The following HELZ variants were observed in gnomAD, a reference collection of about 807,000 sequenced individuals.
The protein encoded by HELZ is ATP-dependent RNA helicase with zinc finger domain.
Under a neutral mutation model 218.2 loss-of-function variants are expected in HELZ, and 23 were observed. The ratio of observed to expected loss-of-function variants is 0.11; its 90% confidence interval spans 0.08 to 0.15. The LOEUF (loss-of-function observed/expected upper bound fraction) is 0.15. HELZ is among the 10% of genes least tolerant of loss of function. The pLI, the probability that HELZ is intolerant of heterozygous loss-of-function variation, is 1.00. For missense variants in HELZ, 1,813 were observed against 2,353.7 expected, an observed-to-expected ratio of 0.77 and a Z score of 4.75; for synonymous variants, 814 against 829.4, an observed-to-expected ratio of 0.98 and a Z score of 0.32.
rs1250594747 is a variant in HELZ, at chr17:67,193,783, G to A, written c.557+184C>T. Among the ~76,000 whole-genome samples the A allele has an allele frequency of 2.6e-5, 4 of 152,236 alleles. No individual in the cohort carries two copies. In the South Asian group the frequency reaches 8.3e-4, roughly 32 times the overall value. On this transcript the variant is annotated intron_variant, in intron 9 of 32. Transcript: ENST00000358691. ...CTTAACAACCTGCATTTAGATCATTGCTGTTTAGAATTAAAGGAAGAGAAC... is the reference window on the plus strand; with the variant it reads ...CTTAACAACCTGCATTTAGATCATTACTGTTTAGAATTAAAGGAAGAGAAC...
intron 5 of HELZ, among the ~76,000 whole-genome samples, chr17:67,212,993 A>G (rs1436068456): frequency 6.6e-6 from 1 of 152,224 alleles, no homozygotes; most frequent in Non-Finnish European, 1.5e-5. Context: ...AGTGATTCAA[A>G]AGTTGTGAAA....
intron 23 of HELZ, among the ~76,000 whole-genome samples, chr17:67,130,612 A>AT (rs1598286885): frequency 1.3e-5 from 2 of 152,228 alleles, no homozygotes; most frequent in East Asian, 3.9e-4. Context: ...TTTTCTCATC[A>AT]TAACATGAGA....
chr17:67,221,714 C>A (rs189577441), intron 3 of HELZ, among the ~76,000 whole-genome samples: 1 of 152,120 alleles, frequency 6.6e-6, no homozygotes, highest in African/African-American at 2.4e-5. Context: ...TGAAATAATA[C>A]CTATAAAGTA....
chr17:67,161,115 C>T (rs2038982974), intron 15 of HELZ, 39 bp from the exon 16 acceptor site: 2 of 1,458,986 alleles, frequency 1.4e-6, no homozygotes, highest in African/African-American at 1.4e-5. Flanking sequence ...ACATGCATCT[C>T]GTTAATAAAT....
chr17:67,100,864 G>A (rs1453732206), intron 31 of HELZ, among the ~76,000 whole-genome samples: 3 of 152,144 alleles, frequency 2.0e-5, no homozygotes, highest in African/African-American at 7.2e-5. Flanking sequence ...ACTTTGGGAG[G>A]CTGAGGCAGG....
chr17:67,091,263 G>GA (rs2036567408), intron 31 of HELZ, among the ~76,000 whole-genome samples: 1 of 151,856 alleles, frequency 6.6e-6, no homozygotes, highest in Non-Finnish European at 1.5e-5. Flanking sequence ...TATTCAAAGT[G>GA]AAAAAAGAAG....
At chr17:67,239,823 G>A (rs2041275247) in intron 2 of HELZ, 1 of 152,190 alleles carries the variant, frequency 6.6e-6, no homozygotes, top group Non-Finnish European at 1.5e-5. Context: ...AAGAACACCA[G>A]CTCCACTACT....
intron 18 of HELZ, chr17:67,150,270 C>A (rs896915960): frequency 1.3e-5 from 3 of 234,418 alleles, no homozygotes; most frequent in South Asian, 1.3e-4. Flanking sequence ...GCTGAGACTA[C>A]GGGCATATGC....
In HELZ at chr17:67,245,033, G is replaced by A. The variant is rs983848813; in HGVS notation, c.-132+115C>T. The A allele has an allele frequency of 9.1e-6, 9 of 984,996 alleles. No individual in the cohort carries two copies. The African/African-American group carries it at 1.4e-4, about 15-fold the overall frequency. 61.0% of individuals were successfully genotyped at this position (984,996 alleles called of 1,614,324 possible). A position where few individuals can be genotyped will look rare whatever the true frequency, so the allele number is the denominator to read the frequency against. ...CCGCCCAGGCCCCCAGCCTGCCCCG[G>A]GGCCGCCGCGCCCGGGGTCCGGGAC... On this transcript the variant is annotated intron_variant, in intron 1 of 32. Transcript: ENST00000358691.
chr17:67,239,943 G>A (rs142390935), intron 2 of HELZ: 1 of 152,234 alleles, frequency 6.6e-6, no homozygotes, highest in African/African-American at 2.4e-5. Context: ...TAAAGGAGAT[G>A]ATGAGTTATA....
chr17:67,136,028 G>A lies in HELZ; in HGVS notation c.3124C>T (p.Gln1042Ter), dbSNP rs1567830616. Residue 1042 changes from glutamine to a stop codon, truncating the protein, a stop_gained, in exon 23 of 33, where the codon CAA becomes TAA. Transcript: ENST00000358691. LOFTEE classifies it high-confidence loss of function. The part of the protein sequence containing the change: ...KLLNTAITRA[Q>*]SLVAVVGDPI... ...TCACCCACCACAGCAACCAGGGATT[G>A]TGCTCTTGTGATGGCAGTATTGAGA... 6.2e-7 allele frequency: 1 copy of A among 1,613,926 alleles called. No individual in the cohort carries two copies.
intron 3 of HELZ, among the ~76,000 whole-genome samples, chr17:67,220,960 G>A (rs1053931237): frequency 1.7e-4 from 26 of 151,532 alleles, no homozygotes; most frequent in African/African-American, 6.3e-4. Flanking sequence ...TTAGTTTAAG[G>A]GTAAGGGGAT....
intron 31 of HELZ, among the ~76,000 whole-genome samples, chr17:67,092,892 C>CA (rs749861130): frequency 6.8e-6 from 1 of 147,530 alleles, no homozygotes; most frequent in Non-Finnish European, 1.5e-5. Flanking sequence ...TTGAAACCGG[C>CA]GGGGGGGGGA....
At chr17:67,245,531 C>T, upstream of HELZ, 3 of 984,740 alleles carry the variant, frequency 3.0e-6, no homozygotes, top group Non-Finnish European at 3.6e-6. Flanking sequence ...GTTTCCTTGC[C>T]GCCCGCGGCG....
intron 27 of HELZ, among the ~76,000 whole-genome samples, chr17:67,117,022 A>C (rs2143801108): frequency 6.6e-6 from 1 of 151,900 alleles, no homozygotes; most frequent in African/African-American, 2.4e-5. Flanking sequence ...ACACCCGGCT[A>C]ATCTTGTATT....
chr17:67,219,166 G>T (rs987075656), intron 3 of HELZ, among the ~76,000 whole-genome samples: 1 of 152,084 alleles, frequency 6.6e-6, no homozygotes, highest in African/African-American at 2.4e-5. Flanking sequence ...CTTAACCAAA[G>T]GGACAGAAAC....
intron 12 of HELZ, among the ~76,000 whole-genome samples, chr17:67,186,366 A>G (rs1217602933): frequency 1.3e-5 from 2 of 152,156 alleles, no homozygotes; most frequent in African/African-American, 2.4e-5. Context: ...TTCCCCGTGA[A>G]GCCCAGAGAA....
chr17:67,136,396 C>T (rs2143942650), intron 22 of HELZ, among the ~76,000 whole-genome samples, 198 bp from the exon 23 acceptor site: 1 of 152,208 alleles, frequency 6.6e-6, no homozygotes, highest in South Asian at 2.1e-4. Context: ...GGCAGTTCTT[C>T]AAAAATTTAG....
intron 32 of HELZ, among the ~76,000 whole-genome samples, chr17:67,086,539 C>T (rs560046323): frequency 1.3e-5 from 2 of 149,208 alleles, no homozygotes; most frequent in South Asian, 4.2e-4. Flanking sequence ...CGAGATCACA[C>T]CATTGTACTC....
Sources: allele counts gnomAD v4.1 joint callset (sites outside exome capture counted in the v4.1 genomes callset), GRCh38; gene constraint gnomAD v4.1.1; transcripts MANE v1.5; gene names NCBI Gene and HGNC (gene_info 2026-07-23, HGNC 2026-07-21).